The following KALRN variants were observed in gnomAD, a reference collection of about 807,000 sequenced individuals.
KALRN encodes kalirin RhoGEF kinase, also known as kalirin.
In KALRN, 70 loss-of-function variants were observed where a neutral mutation model predicts 353.7. The ratio of observed to expected loss-of-function variants is 0.20; its 90% CI spans 0.16 to 0.24. KALRN has a LOEUF of 0.24. Ranked by LOEUF, KALRN falls within the 10% of genes least tolerant of loss-of-function variation. The pLI is 1.00. For missense variants in KALRN, 2,791 were observed against 3,756.7 expected, an observed-to-expected ratio of 0.74 and a Z score of 6.72; for synonymous variants, 1,391 against 1,434.8, an observed-to-expected ratio of 0.97 and a Z score of 0.69.
At chr3:124,564,103 G>A (rs764550913) in intron 34 of KALRN, among the ~76,000 whole-genome samples, 10 of 151,176 alleles carry the variant, frequency 6.6e-5, no homozygotes, top group Admixed American at 3.9e-4. Flanking sequence ...TACTCGGGAG[G>A]CTGAGGCAGG....
intron 24 of KALRN, 74 bp downstream of exon 24, chr3:124,462,030 G>C: frequency 9.0e-7 from 1 of 1,108,444 alleles, no homozygotes; most frequent in Non-Finnish European, 1.4e-6. Flanking sequence ...TCCTCAATTG[G>C]AATTTGGTGC....
At chr3:124,115,816 C>G (rs2063404831) in intron 1 of KALRN, among the ~76,000 whole-genome samples, 2 of 152,152 alleles carry the variant, frequency 1.3e-5, no homozygotes, top group African/African-American at 4.8e-5. Context: ...GATTTACTTT[C>G]ATTTTATCAT....
chr3:124,673,327 A>G (rs1167321787), intron 48 of KALRN, among the ~76,000 whole-genome samples: 9 of 152,244 alleles, frequency 5.9e-5, no homozygotes, highest in African/African-American at 1.7e-4. Context: ...TCGAGGCTAC[A>G]GTGAGCTATG....
At chr3:124,562,734 A>G (rs1413526966) in intron 33 of KALRN, 109 bp from the exon 34 acceptor site, 20 of 1,004,258 alleles carry the variant, frequency 2.0e-5, no homozygotes, top group Non-Finnish European at 2.5e-5. Context: ...CTTCCTCCTT[A>G]CCTCTGCTCT....
At chr3:124,366,122 A>G (rs1237753624) in intron 10 of KALRN, among the ~76,000 whole-genome samples, 2 of 152,224 alleles carry the variant, frequency 1.3e-5, no homozygotes, top group African/African-American at 4.8e-5. Context: ...ATAAAGTCCA[A>G]ACTGTGAAAG....
chr3:124,367,016 C>T (rs1187978054), intron 10 of KALRN, among the ~76,000 whole-genome samples: 4 of 139,248 alleles, frequency 2.9e-5, no homozygotes, highest in Admixed American at 1.4e-4. Flanking sequence ...GGGGGCTGAC[C>T]GCCCCCACCT....
intron 3 of KALRN, among the ~76,000 whole-genome samples, chr3:124,254,408 A>C (rs1038736655): frequency 1.5e-5 from 2 of 136,554 alleles, no homozygotes; most frequent in African/African-American, 5.9e-5. Flanking sequence ...CAAGTGTTCT[A>C]TGCATCTATG....
chr3:124,501,812 C>A, intron 33 of KALRN, among the ~76,000 whole-genome samples: 1 of 152,236 alleles, frequency 6.6e-6, no homozygotes, highest in East Asian at 1.9e-4. Flanking sequence ...TACTCTACAG[C>A]AGAAGCTGTT....
chr3:124,321,276 T>C (rs1274700760), intron 6 of KALRN, among the ~76,000 whole-genome samples: 1 of 152,246 alleles, frequency 6.6e-6, no homozygotes, highest in South Asian at 2.1e-4. Flanking sequence ...ATACCTTCTC[T>C]TGGCAATGAT....
At chr3:124,266,241 TAAAAC>T (rs1352476187) in intron 4 of KALRN, among the ~76,000 whole-genome samples, 1 of 152,204 alleles carries the variant, frequency 6.6e-6, no homozygotes, top group Non-Finnish European at 1.5e-5. Flanking sequence ...ATGCAGGTGA[TAAAAC>T]AATATGGACA....
intron 10 of KALRN, among the ~76,000 whole-genome samples, chr3:124,359,511 C>T (rs2083783859): frequency 6.6e-6 from 1 of 152,142 alleles, no homozygotes; most frequent in South Asian, 2.1e-4. Context: ...TCTGATTTCC[C>T]CTCTGCTGGG....
chr3:124,721,958 C>T lies in KALRN; in HGVS notation c.*2488C>T, dbSNP rs143637605. 7.2e-5 allele frequency: 11 copies of T among 151,854 alleles called. 1 individual carries two copies. In the East Asian group the frequency reaches 1.2e-3, roughly 16 times the overall value. The allele number at this position is 151,854 out of a possible 1,614,324, so 9.4% of individuals were successfully genotyped here. ...GGGCAATAAGAGCAAAATTCTGTCT[C>T]GAAAAAAAAGGAAAGCCTGGCCCAT... On this transcript the variant is annotated 3_prime_UTR_variant, in exon 60 of 60. Transcript: ENST00000682506.
At chr3:124,322,411 G>T (rs1393513710) in intron 6 of KALRN, among the ~76,000 whole-genome samples, 1 of 152,164 alleles carries the variant, frequency 6.6e-6, no homozygotes, top group East Asian at 1.9e-4. Context: ...TTGATTCCTG[G>T]CCCAGTGATT....
intron 9 of KALRN, among the ~76,000 whole-genome samples, chr3:124,340,740 A>C (rs2081613136): frequency 6.6e-6 from 1 of 152,192 alleles, no homozygotes. Flanking sequence ...AGATTAGCTG[A>C]GGTCAGGAGT....
chr3:124,089,921 C>G (rs2061018861), intron 1 of KALRN, among the ~76,000 whole-genome samples: 1 of 152,130 alleles, frequency 6.6e-6, no homozygotes, highest in Non-Finnish European at 1.5e-5. Context: ...TTGACCTAGG[C>G]TTTATCTTTT....
At chr3:124,147,682 A>G (rs1479005279) in intron 1 of KALRN, among the ~76,000 whole-genome samples, 3 of 152,178 alleles carry the variant, frequency 2.0e-5, no homozygotes, top group Non-Finnish European at 4.4e-5. Context: ...AGACTCATCC[A>G]TCCAGTTTTT....
chr3:124,127,785 A>C (rs1340272798), intron 1 of KALRN, among the ~76,000 whole-genome samples: 1 of 151,716 alleles, frequency 6.6e-6, no homozygotes, highest in Non-Finnish European at 1.5e-5. Context: ...CCTTAGTTCA[A>C]CCCTCTAGAG....
chr3:124,042,982 C>T (rs2040105196), intron 1 of KALRN, among the ~76,000 whole-genome samples: 2 of 152,164 alleles, frequency 1.3e-5, no homozygotes, highest in African/African-American at 4.8e-5. Flanking sequence ...GGGGTATCTA[C>T]AGTTGGGCTG....
intron 10 of KALRN, among the ~76,000 whole-genome samples, chr3:124,357,059 C>T (rs983529941): frequency 5.9e-5 from 9 of 152,184 alleles, no homozygotes; most frequent in African/African-American, 1.7e-4. Context: ...TTCCTGCATT[C>T]GTTATACCAG....
Sources: gnomAD v4.1 joint callset for allele counts (sites outside exome capture counted in the v4.1 genomes callset) on GRCh38, gnomAD v4.1.1 for gene constraint, MANE v1.5 for transcripts, NCBI Gene and HGNC (gene_info 2026-07-23, HGNC 2026-07-21) for gene names.